The following SVEP1 variants were observed in gnomAD, a reference collection of about 807,000 sequenced individuals.
SVEP1 encodes the protein sushi, von Willebrand factor type A, EGF and pentraxin domain containing 1.
SVEP1 carries 164 observed loss-of-function variants against 367.3 expected under a neutral mutation model. The observed-to-expected ratio is 0.45, with a 90% CI of 0.39 to 0.51. SVEP1 has a LOEUF of 0.51. Among genes scored for constraint, SVEP1 ranks in the 20% least tolerant of loss-of-function variants. The probability of loss-of-function intolerance (pLI) is 0.00; values close to 1 mark genes in which losing one functional copy is unlikely to be tolerated. For missense variants in SVEP1, 4,117 were observed against 4,425.3 expected (o/e 0.93, Z 1.98); for synonymous variants, 1,666 against 1,611.6 (o/e 1.03, Z -0.81).
intron 18 of SVEP1, among the ~76,000 whole-genome samples, 196 bp downstream of exon 18, chr9:110,465,669 C>A (rs1828924575): frequency 6.6e-6 from 1 of 152,166 alleles, no homozygotes; most frequent in South Asian, 2.1e-4. Flanking sequence ...CCGGTGTTTA[C>A]ACGGCAGGTA....
intron 37 of SVEP1, among the ~76,000 whole-genome samples, chr9:110,409,187 G>A (rs1049838962): frequency 6.6e-6 from 1 of 152,126 alleles, no homozygotes; most frequent in Non-Finnish European, 1.5e-5. Context: ...TACAATCCCA[G>A]CACTTTGGGA....
intron 1 of SVEP1, among the ~76,000 whole-genome samples, chr9:110,565,832 G>C (rs531022848): frequency 6.6e-6 from 1 of 152,044 alleles, no homozygotes; most frequent in Non-Finnish European, 1.5e-5. Context: ...GTATGTATCA[G>C]TGTGTCTTGC....
intron 35 of SVEP1, among the ~76,000 whole-genome samples, chr9:110,428,865 G>T (rs1184281810): frequency 1.3e-5 from 2 of 152,126 alleles, no homozygotes; most frequent in African/African-American, 4.8e-5. Context: ...GAGCTCAAGA[G>T]TTCGAGACTA....
chr9:110,549,716 A>G, intron 2 of SVEP1, 133 bp downstream of exon 2: 1 of 1,153,150 alleles, frequency 8.7e-7, no homozygotes, highest in Non-Finnish European at 1.2e-6. Context: ...ATGATGCCCA[A>G]AGGACACATG....
intron 42 of SVEP1, among the ~76,000 whole-genome samples, chr9:110,387,011 A>AATTCATGATAC (rs1168400141): frequency 8.2e-6 from 1 of 122,188 alleles, no homozygotes; most frequent in Non-Finnish European, 1.9e-5. Flanking sequence ...TCCCCAGTAG[A>AATTCATGATAC]ATTCATGATA....
intron 40 of SVEP1, among the ~76,000 whole-genome samples, chr9:110,393,340 G>A (rs1479081581): frequency 6.6e-6 from 1 of 152,180 alleles, no homozygotes; most frequent in Non-Finnish European, 1.5e-5. Flanking sequence ...GATAATTCTT[G>A]TACTGCATGG....
intron 27 of SVEP1, among the ~76,000 whole-genome samples, chr9:110,441,593 T>A (rs1828510654): frequency 6.6e-6 from 1 of 152,256 alleles, no homozygotes; most frequent in African/African-American, 2.4e-5. Context: ...GGGATCTGTC[T>A]GTATGTTTCA....
chr9:110,444,940 A>C (rs1261012660), intron 26 of SVEP1, among the ~76,000 whole-genome samples: 1 of 152,164 alleles, frequency 6.6e-6, no homozygotes, highest in African/African-American at 2.4e-5. Flanking sequence ...TGAGGATGGG[A>C]GACTTCTACC....
Position 110,495,351 on chromosome 9 carries a change from T to G in SVEP1, c.1800+1464A>C, listed in dbSNP as rs142224120. Among the ~76,000 whole-genome samples, 55 of 152,222 alleles carry G rather than the reference T, an allele frequency of 3.6e-4. 1 individual carries two copies. Among genetic ancestry groups the G allele is most frequent in the African/African-American group, 8.4e-4 (35 of 41,534 alleles). On this transcript the variant is annotated intron_variant, in intron 8 of 47. Coordinates refer to ENST00000374469, the MANE Select transcript of SVEP1 (RefSeq NM_153366.4). Reference sequence around the variant, plus strand: ...AATTAAGAATCTTAAAATTAGGAGATTCTCCTGAGTTATCCAGATGGGTTC... The same window carrying G: ...AATTAAGAATCTTAAAATTAGGAGAGTCTCCTGAGTTATCCAGATGGGTTC...
chr9:110,571,913 G>A (rs1323447496), intron 1 of SVEP1, among the ~76,000 whole-genome samples: 1 of 152,188 alleles, frequency 6.6e-6, no homozygotes, highest in African/African-American at 2.4e-5. Flanking sequence ...TTTAAAATGT[G>A]TGATTAAATT....
chr9:110,405,096 A>C (rs1351186508), intron 38 of SVEP1, among the ~76,000 whole-genome samples: 3 of 152,178 alleles, frequency 2.0e-5, no homozygotes, highest in Admixed American at 1.3e-4. Flanking sequence ...AAGTTAATCA[A>C]GACTAAAATT....
chr9:110,400,611 C>T (rs371055133), intron 40 of SVEP1, among the ~76,000 whole-genome samples: 119 of 152,258 alleles, frequency 7.8e-4, no homozygotes, highest in Middle Eastern at 6.8e-3. Flanking sequence ...AAGTGATCTG[C>T]CCACCTCGGC....
At chr9:110,501,518 G>A (rs1564160707) in intron 6 of SVEP1, among the ~76,000 whole-genome samples, 1 of 151,496 alleles carries the variant, frequency 6.6e-6, no homozygotes, top group Non-Finnish European at 1.5e-5. Context: ...GGGGGGGGCA[G>A]GCTTGTAGTC....
intron 3 of SVEP1, among the ~76,000 whole-genome samples, chr9:110,534,127 G>T (rs970001483): frequency 1.3e-5 from 2 of 152,042 alleles, no homozygotes; most frequent in African/African-American, 4.8e-5. Flanking sequence ...CATCACCCAG[G>T]TACTGAGCCT....
intron 5 of SVEP1, among the ~76,000 whole-genome samples, chr9:110,508,588 C>T (rs1486752293): frequency 6.6e-6 from 1 of 151,652 alleles, no homozygotes; most frequent in African/African-American, 2.4e-5. Flanking sequence ...GGTGAAACCC[C>T]GTCTCTACTA....
chr9:110,409,301 A>G (rs2118498831), intron 37 of SVEP1, among the ~76,000 whole-genome samples: 1 of 152,260 alleles, frequency 6.6e-6, no homozygotes, highest in South Asian at 2.1e-4. Flanking sequence ...ATGTGCCTGT[A>G]ATCTCAGCCA....
chr9:110,547,845 G>C (rs1830239316), intron 2 of SVEP1, among the ~76,000 whole-genome samples: 1 of 151,964 alleles, frequency 6.6e-6, no homozygotes, highest in African/African-American at 2.4e-5. Context: ...GTAAAAACAG[G>C]GTTTTACTTA....
intron 6 of SVEP1, among the ~76,000 whole-genome samples, chr9:110,499,633 C>A (rs954723820): frequency 1.3e-5 from 2 of 152,148 alleles, no homozygotes; most frequent in Non-Finnish European, 2.9e-5. Flanking sequence ...ATTTTATGAG[C>A]TTTTTGGTGC....
intron 40 of SVEP1, among the ~76,000 whole-genome samples, chr9:110,392,093 C>T (rs1478497686): frequency 6.8e-6 from 1 of 146,522 alleles, no homozygotes; most frequent in Non-Finnish European, 1.5e-5. Context: ...AGAGAAGATC[C>T]TGGGATTTAG....
Sources: gnomAD v4.1 joint callset for allele counts (sites outside exome capture counted in the v4.1 genomes callset) on GRCh38, gnomAD v4.1.1 for gene constraint, MANE v1.5 for transcripts, NCBI Gene and HGNC (gene_info 2026-07-23, HGNC 2026-07-21) for gene names.